Variants in ITSN1 observed in about 807,000 individuals in gnomAD.
The protein encoded by ITSN1 is intersectin-1.
A neutral mutation model predicts 239.8 loss-of-function variants in ITSN1; 58 were observed. The observed-to-expected ratio is 0.24, with a 90% CI of 0.20 to 0.30. ITSN1 has a LOEUF of 0.30. Among genes scored for constraint, ITSN1 ranks in the 10% least tolerant of loss-of-function variants. The probability of loss-of-function intolerance (pLI) is 1.00; values close to 1 mark genes in which losing one functional copy is unlikely to be tolerated. For missense variants in ITSN1, 1,558 were observed against 2,103.3 expected, an observed-to-expected ratio of 0.74 and a Z score of 5.07; for synonymous variants, 780 against 770.8, an observed-to-expected ratio of 1.01 and a Z score of -0.20.
chr21:33,728,636 C>T (rs2065975190), intron 4 of ITSN1, among the ~76,000 whole-genome samples: 1 of 152,134 alleles, frequency 6.6e-6, no homozygotes, highest in South Asian at 2.1e-4. Flanking sequence ...ATCGCAGGTT[C>T]ATTGCCTTTC....
rs575349117 is a variant in ITSN1, at chr21:33,688,030, TTGTC to T, written c.-32-30765_-32-30762del. Among the ~76,000 whole-genome samples the T allele has an allele frequency of 1.0e-3, 155 of 152,286 alleles. 2 individuals are homozygous for T. Among genetic ancestry groups the T allele is most frequent in the Non-Finnish European group, 1.3e-3 (89 of 68,020 alleles). Reference sequence around the variant, plus strand: ...TTATCTAAGATTTCAAAAAGCTGCTTTGTCTATTTTATGATATAAAGTTTTCAAA... The same window carrying T: ...TTATCTAAGATTTCAAAAAGCTGCTTTATTTTATGATATAAAGTTTTCAAA... On this transcript the variant is annotated intron_variant, in intron 1 of 39. Transcript: ENST00000381318.
rs1986659076 is a variant in ITSN1, at chr21:33,895,430, C to CGCGT, written c.*7131_*7132insCGTG. The stretch of plus-strand genomic sequence containing the variant: ...GTGTGTGCATGCGTGTTTGTGCGTG[C>CGCGT]GTGTGCATGTATGTGTTTGTGCGTG... On this transcript the variant is annotated 3_prime_UTR_variant, in exon 40 of 40. Coordinates refer to ENST00000381318, the MANE Select transcript of ITSN1 (RefSeq NM_003024.3). 1 of 151,432 alleles carries CGCGT rather than the reference C, an allele frequency of 6.6e-6. No homozygotes were observed. Among genetic ancestry groups the CGCGT allele is most frequent in the Admixed American group, 6.6e-5 (1 of 15,206 alleles). The allele number at this position is 151,432 out of a possible 1,614,324, so 9.4% of individuals were successfully genotyped here. A position where few individuals can be genotyped will look rare whatever the true frequency, so the allele number is the denominator to read the frequency against.
chr21:33,805,733 G>A (rs1472372907), intron 20 of ITSN1, among the ~76,000 whole-genome samples: 1 of 151,632 alleles, frequency 6.6e-6, no homozygotes, highest in African/African-American at 2.4e-5. Context: ...GTGCAGTGGC[G>A]CGATCTCGGT....
At chr21:33,678,690 G>A (rs1041894017) in intron 1 of ITSN1, among the ~76,000 whole-genome samples, 1 of 152,158 alleles carries the variant, frequency 6.6e-6, no homozygotes. Context: ...ATGTGAGGAA[G>A]CAAAGTTTTT....
At chr21:33,703,035 G>A (rs111604092) in intron 1 of ITSN1, among the ~76,000 whole-genome samples, 5 of 151,980 alleles carry the variant, frequency 3.3e-5, no homozygotes, top group African/African-American at 1.2e-4. Context: ...GCAGTGAGCC[G>A]AGATCGCACC....
rs1986671278 is a variant in ITSN1 at position 33,895,486 on chromosome 21, T to A, written c.*7186T>A. Reference sequence around the variant, plus strand: ...GTGCGTGTGTGTGCATGGGTTTGCGTGCATGCATGTGTGTGCGTGCGCGTG... The same window carrying A: ...GTGCGTGTGTGTGCATGGGTTTGCGAGCATGCATGTGTGTGCGTGCGCGTG... On this transcript the variant is annotated 3_prime_UTR_variant, in exon 40 of 40. Transcript: ENST00000381318. 6.6e-6 allele frequency: 1 copy of A among 151,812 alleles called. No homozygotes were observed. The highest frequency in any genetic ancestry group is 2.1e-4 in the South Asian group (1 of 4,814). The allele number at this position is 151,812 out of a possible 1,614,324, so 9.4% of individuals were successfully genotyped here.
At chr21:33,885,405 A>G in intron 37 of ITSN1, 34 bp from the exon 38 acceptor site, 8 of 1,588,248 alleles carry the variant, frequency 5.0e-6, no homozygotes, top group South Asian at 2.2e-5. Flanking sequence ...GGCACGTTCA[A>G]ATGAAGCATT....
chr21:33,681,904 G>A (rs937329653), intron 1 of ITSN1, among the ~76,000 whole-genome samples: 73 of 151,676 alleles, frequency 4.8e-4, no homozygotes, highest in African/African-American at 1.7e-3. Context: ...TCCTGACCTC[G>A]TGATCCACCC....
At chr21:33,849,691 AT>A (rs1271402550) in intron 29 of ITSN1, among the ~76,000 whole-genome samples, 1 of 152,184 alleles carries the variant, frequency 6.6e-6, no homozygotes, top group African/African-American at 2.4e-5. Flanking sequence ...CAAAGGATAA[AT>A]GCTTGAGGGG....
At chr21:33,733,503 A>G (rs536752447) in intron 4 of ITSN1, among the ~76,000 whole-genome samples, 63 of 152,298 alleles carry the variant, frequency 4.1e-4, no homozygotes, top group African/African-American at 1.5e-3. Flanking sequence ...AAAATTTAGA[A>G]TTTTTATGCC....
intron 1 of ITSN1, among the ~76,000 whole-genome samples, chr21:33,644,291 G>A (rs1213945427): frequency 2.6e-5 from 4 of 152,148 alleles, no homozygotes; most frequent in Non-Finnish European, 4.4e-5. Flanking sequence ...AGTGCAGATG[G>A]GTTTGTAAAG....
At chr21:33,825,827 C>G (rs551889464) in intron 25 of ITSN1, among the ~76,000 whole-genome samples, 5 of 152,140 alleles carry the variant, frequency 3.3e-5, no homozygotes, top group African/African-American at 1.2e-4. Flanking sequence ...AAATTTAACC[C>G]GAACTTTTCC....
chr21:33,675,960 T>C (rs948005314), intron 1 of ITSN1, among the ~76,000 whole-genome samples: 14 of 152,138 alleles, frequency 9.2e-5, no homozygotes, highest in African/African-American at 3.4e-4. Flanking sequence ...AACTAACTTG[T>C]GGAATTTTTT....
chr21:33,885,884 A>G (rs1043576038), intron 38 of ITSN1, among the ~76,000 whole-genome samples: 1 of 152,120 alleles, frequency 6.6e-6, no homozygotes, highest in Non-Finnish European at 1.5e-5. Flanking sequence ...TCTCCACCGA[A>G]TGACACTTAT....
chr21:33,667,026 C>T (rs1178578452), intron 1 of ITSN1, among the ~76,000 whole-genome samples: 4 of 152,058 alleles, frequency 2.6e-5, no homozygotes, highest in African/African-American at 7.2e-5. Flanking sequence ...ACATGTTGCC[C>T]AGGCTGATCT....
In ITSN1 at chr21:33,670,482, CT is replaced by C. The variant is rs34091306; in HGVS notation, c.-33+27780del. Among the ~76,000 whole-genome samples, 153 of 146,014 alleles carry C rather than the reference CT, an allele frequency of 1.0e-3. 1 individual carries two copies. The highest frequency in any genetic ancestry group is 2.1e-3 in the African/African-American group (86 of 40,178). ...ATACATAGCTTTTTAATGAAAATCGCTTTTTTTTTTTCCCAAAACAACAACA... is the reference window on the plus strand; with the variant it reads ...ATACATAGCTTTTTAATGAAAATCGCTTTTTTTTTTCCCAAAACAACAACA... On this transcript the variant is annotated intron_variant, in intron 1 of 39. Coordinates refer to ENST00000381318, the MANE Select transcript of ITSN1 (RefSeq NM_003024.3).
intron 3 of ITSN1, 142 bp downstream of exon 3, chr21:33,721,412 T>G (rs2147093938): frequency 1.7e-6 from 1 of 596,470 alleles, no homozygotes; most frequent in African/African-American, 1.9e-5. Flanking sequence ...GCCTGTCCTT[T>G]TACAATTTTT....
chr21:33,748,448 A>C (rs1262687154), intron 5 of ITSN1, among the ~76,000 whole-genome samples: 2 of 152,056 alleles, frequency 1.3e-5, no homozygotes, highest in Non-Finnish European at 2.9e-5. Flanking sequence ...CCTTATCTCT[A>C]ATAATAAAAG....
At chr21:33,661,886 C>T (rs1321550694) in intron 1 of ITSN1, among the ~76,000 whole-genome samples, 1 of 151,830 alleles carries the variant, frequency 6.6e-6, no homozygotes, top group African/African-American at 2.4e-5. Flanking sequence ...AACTGTGAGT[C>T]CATTAAACCT....
Sources: allele counts gnomAD v4.1 joint callset (sites outside exome capture counted in the v4.1 genomes callset), GRCh38; gene constraint gnomAD v4.1.1; transcripts MANE v1.5; gene names NCBI Gene and HGNC (gene_info 2026-07-23, HGNC 2026-07-21).